The following ZFAND3 variants were observed in gnomAD, a reference collection of about 807,000 sequenced individuals.
ZFAND3 encodes the protein AN1-type zinc finger protein 3.
Under a neutral mutation model 29.6 loss-of-function variants are expected in ZFAND3, and 10 were observed. That is an observed-to-expected ratio of 0.34 (90% confidence interval 0.21 to 0.57). The LOEUF (loss-of-function observed/expected upper bound fraction) is 0.57. Ranked by LOEUF, ZFAND3 falls within the 20% of genes least tolerant of loss-of-function variation. ZFAND3 has a pLI of 0.86. For missense variants in ZFAND3, 230 were observed against 304.5 expected, an observed-to-expected ratio of 0.76 and a Z score of 1.82; for synonymous variants, 128 against 112.6, an observed-to-expected ratio of 1.14 and a Z score of -0.87.
intron 1 of ZFAND3, among the ~76,000 whole-genome samples, chr6:37,927,978 A>G (rs997263968): frequency 3.9e-5 from 6 of 152,200 alleles, no homozygotes; most frequent in African/African-American, 1.2e-4. Flanking sequence ...GGTATCTGGT[A>G]TTGTGCCTGC....
At chr6:37,977,769 AGTTTTTT>A (rs1436093378) in intron 2 of ZFAND3, among the ~76,000 whole-genome samples, 12 of 114,344 alleles carry the variant, frequency 1.0e-4, no homozygotes, top group South Asian at 2.8e-4. Context: ...TGGTTTGCTG[AGTTTTTT>A]GTTTTTTTTT....
At chr6:37,892,642 A>G (rs1441584247) in intron 1 of ZFAND3, among the ~76,000 whole-genome samples, 1 of 152,234 alleles carries the variant, frequency 6.6e-6, no homozygotes, top group Non-Finnish European at 1.5e-5. Context: ...GAATAGAAAA[A>G]TAACAGTAAA....
chr6:38,056,811 T>C (rs772285695), intron 2 of ZFAND3, among the ~76,000 whole-genome samples: 1 of 152,122 alleles, frequency 6.6e-6, no homozygotes, highest in East Asian at 1.9e-4. Context: ...TTCAAGCATA[T>C]CTTTGTTGAG....
chr6:38,021,541 G>A (rs761772054), intron 2 of ZFAND3, among the ~76,000 whole-genome samples: 10 of 152,148 alleles, frequency 6.6e-5, no homozygotes, highest in Non-Finnish European at 1.5e-4. Context: ...CTGCTCTTAT[G>A]TAACATTGAA....
chr6:38,127,708 TA>T (rs1000204998), intron 5 of ZFAND3, among the ~76,000 whole-genome samples: 11 of 151,882 alleles, frequency 7.2e-5, no homozygotes, highest in Admixed American at 1.3e-4. Context: ...TTTTTTTTTT[TA>T]AATAAATGAG....
chr6:38,142,221 G>C (rs1765971853), intron 5 of ZFAND3: 2 of 471,240 alleles, frequency 4.2e-6, no homozygotes, highest in Non-Finnish European at 4.4e-6. Flanking sequence ...TGAAAGGTCA[G>C]TTGGGAAAGA....
chr6:37,979,267 C>T (rs1322444741), intron 2 of ZFAND3, among the ~76,000 whole-genome samples: 2 of 152,168 alleles, frequency 1.3e-5, no homozygotes, highest in East Asian at 1.9e-4. Flanking sequence ...AATTTCAACA[C>T]CTCTGTCAGT....
chr6:38,092,918 A>G (rs1428027507), intron 4 of ZFAND3, among the ~76,000 whole-genome samples: 1 of 152,202 alleles, frequency 6.6e-6, no homozygotes, highest in Non-Finnish European at 1.5e-5. Context: ...TAGTACCCTC[A>G]AAACTAACCT....
intron 2 of ZFAND3, among the ~76,000 whole-genome samples, chr6:37,956,639 T>C (rs1203808113): frequency 6.6e-6 from 1 of 152,220 alleles, no homozygotes; most frequent in African/African-American, 2.4e-5. Context: ...TGGAGAGCAG[T>C]GTTTATCTTT....
At chr6:37,917,807 T>C (rs1266579566) in intron 1 of ZFAND3, among the ~76,000 whole-genome samples, 9 of 152,190 alleles carry the variant, frequency 5.9e-5, no homozygotes, top group Admixed American at 1.3e-4. Flanking sequence ...ATCCTGACTC[T>C]TTCACAAACT....
intron 1 of ZFAND3, among the ~76,000 whole-genome samples, chr6:37,886,280 A>AAAAAAAAAAAC (rs1561922411): frequency 1.3e-4 from 17 of 128,860 alleles, no homozygotes; most frequent in African/African-American, 4.6e-4. Flanking sequence ...AAAAAAAAAA[A>AAAAAAAAAAAC]AGTTCAAAGA....
chr6:38,017,302 G>T (rs545898896), intron 2 of ZFAND3, among the ~76,000 whole-genome samples: 3 of 152,206 alleles, frequency 2.0e-5, no homozygotes, highest in Non-Finnish European at 4.4e-5. Flanking sequence ...TTGGAATAAA[G>T]CACAGGAGAA....
chr6:38,043,646 T>C (rs1460480825), intron 2 of ZFAND3, among the ~76,000 whole-genome samples: 1 of 149,184 alleles, frequency 6.7e-6, no homozygotes, highest in African/African-American at 2.5e-5. Flanking sequence ...ATGGTCTTGC[T>C]CTGTAACCTA....
At chr6:38,003,675 T>TG (rs1006706979) in intron 2 of ZFAND3, 15 of 303,752 alleles carry the variant, frequency 4.9e-5, no homozygotes, top group Admixed American at 1.3e-4. Flanking sequence ...ATTTTTGTGT[T>TG]TTTTTTTTTT....
intron 4 of ZFAND3, among the ~76,000 whole-genome samples, chr6:38,098,504 C>T (rs1702687222): frequency 7.0e-6 from 1 of 143,850 alleles, no homozygotes; most frequent in African/African-American, 2.5e-5. Flanking sequence ...TATTGCCCAT[C>T]TTTTTTTTTT....
chr6:37,960,235 C>A (rs1199671326), intron 2 of ZFAND3, among the ~76,000 whole-genome samples: 1 of 152,322 alleles, frequency 6.6e-6, no homozygotes, highest in East Asian at 1.9e-4. Context: ...TTTAGGCACA[C>A]TGACCAGCCA....
intron 2 of ZFAND3, among the ~76,000 whole-genome samples, chr6:38,006,744 A>G (rs1006202587): frequency 6.7e-6 from 1 of 148,976 alleles, no homozygotes; most frequent in Non-Finnish European, 1.5e-5. Flanking sequence ...AAATCACAGG[A>G]TGTCTAAGTT....
At chr6:37,886,237 CAAAAAAAAAAAAAAAAAA>C (rs55661554) in intron 1 of ZFAND3, among the ~76,000 whole-genome samples, 26 of 95,294 alleles carry the variant, frequency 2.7e-4, no homozygotes, top group African/African-American at 7.5e-4. Context: ...GACTCTGTCT[CAAAAAAAAAAAAAAAAAA>C]AAAAAAAAAA....
chr6:38,058,829 A>G (rs1356822697), intron 2 of ZFAND3, among the ~76,000 whole-genome samples: 1 of 152,236 alleles, frequency 6.6e-6, no homozygotes, highest in Non-Finnish European at 1.5e-5. Context: ...CTTCCTTGTT[A>G]GGGTTTTCCT....
Sources: gnomAD v4.1 joint callset for allele counts (sites outside exome capture counted in the v4.1 genomes callset) on GRCh38, gnomAD v4.1.1 for gene constraint, MANE v1.5 for transcripts, NCBI Gene and HGNC (gene_info 2026-07-23, HGNC 2026-07-21) for gene names.